Variants in NAPA observed in about 807,000 individuals in gnomAD.
NAPA encodes alpha-soluble NSF attachment protein.
In NAPA, 18 loss-of-function variants were observed where a neutral mutation model predicts 48.0. The ratio of observed to expected loss-of-function variants is 0.38; its 90% confidence interval spans 0.26 to 0.56. NAPA has a LOEUF of 0.56. NAPA is among the 20% of genes least tolerant of loss of function. The pLI, the probability that NAPA is intolerant of heterozygous loss-of-function variation, is 0.77. For synonymous variants in NAPA, 152 were observed against 149.9 expected (o/e 1.01, Z -0.10); for missense variants, 315 against 385.0 (o/e 0.82, Z 1.52).
rs1002091223 is a variant in NAPA at position 47,493,622 on chromosome 19, G to T, written c.343-129C>A. The T allele has an allele frequency of 5.5e-5, 43 of 779,694 alleles. No individual in the cohort carries two copies. Among genetic ancestry groups the T allele is most frequent in the Non-Finnish European group, 8.9e-5 (40 of 450,552 alleles). 48.3% of individuals were successfully genotyped at this position (779,694 alleles called of 1,614,324 possible). On this transcript the variant is annotated intron_variant, in intron 4 of 10. Coordinates refer to ENST00000263354, the MANE Select transcript of NAPA (RefSeq NM_003827.4). The surrounding 1 kb of genome is among the most constrained non-coding windows in gnomAD (Gnocchi z 6.4). ...AGGAGGTATGAAGAAGACCTGAGGT[G>T]TGAAGAAGATCGAGAGGTGGGGGAA...
Position 47,500,644 on chromosome 19 carries a change from G to T in NAPA, c.284C>A (p.Ala95Asp), listed in dbSNP as rs764720672. Residue 95 changes from alanine to aspartate, a missense_variant, in exon 3 of 11, where the codon GCC becomes GAC. Around this residue, in one of 3 missense-constraint regions of NAPA, gnomAD observed 173 missense variants for 213.5 expected, o/e 0.81. Transcript: ENST00000263354. ...GCAGAGGCCCTCACCTTGGGGGTCG[G>T]CTTTCTTGAATGCGTTGCCAGCGTC... ...FVDAGNAFKK[A>D]DPQEAINCLM... 3.1e-6 allele frequency: 5 copies of T among 1,608,822 alleles called. No individual in the cohort carries two copies. Among genetic ancestry groups the T allele is most frequent in the Non-Finnish European group, 4.2e-6 (5 of 1,177,564 alleles).
At chr19:47,504,640 TATAC>T (rs1968656689) in intron 1 of NAPA, among the ~76,000 whole-genome samples, 1 of 151,956 alleles carries the variant, frequency 6.6e-6, no homozygotes, top group East Asian at 1.9e-4. Context: ...AAAAAAAATA[TATAC>T]ATATATACAC....
intron 1 of NAPA, among the ~76,000 whole-genome samples, chr19:47,510,171 G>T (rs1379097843): frequency 6.6e-6 from 1 of 152,228 alleles, no homozygotes; most frequent in Non-Finnish European, 1.5e-5. Flanking sequence ...CGGGGTTTCT[G>T]CACGCTCTGC....
intron 1 of NAPA, among the ~76,000 whole-genome samples, chr19:47,512,364 C>T (rs1225300281): frequency 2.0e-5 from 3 of 152,200 alleles, no homozygotes; most frequent in Admixed American, 6.5e-5. Flanking sequence ...CCCTGGTTCA[C>T]GCTGCTTCCT....
intron 1 of NAPA, among the ~76,000 whole-genome samples, chr19:47,514,514 C>T (rs1363230905): frequency 3.3e-5 from 5 of 152,192 alleles, no homozygotes; most frequent in African/African-American, 1.2e-4. Flanking sequence ...AGGACGTACT[C>T]CCTCGGTCCA....
chr19:47,493,328 C>CA lies in NAPA; in HGVS notation c.420+87dup, dbSNP rs1568464836. The CA allele has an allele frequency of 2.0e-5, 31 of 1,529,688 alleles. No homozygotes were observed. In the Middle Eastern group the frequency reaches 6.8e-4, roughly 33 times the overall value. The allele number at this position is 1,529,688 out of a possible 1,614,324, so 94.8% of individuals were successfully genotyped here. A position where few individuals can be genotyped will look rare whatever the true frequency, so the allele number is the denominator to read the frequency against. Reference sequence around the variant, plus strand: ...CGCCCCATGCCCCCTTCTCGGCACTCAGACACCAGAGGACTCCCCTGGTGG... The same window carrying CA: ...CGCCCCATGCCCCCTTCTCGGCACTCAAGACACCAGAGGACTCCCCTGGTGG... On this transcript the variant is annotated intron_variant, in intron 5 of 10. Transcript: ENST00000263354. The surrounding 1 kb of genome is among the most constrained non-coding windows in gnomAD (Gnocchi z 6.4).
intron 7 of NAPA, chr19:47,492,578 T>C: frequency 2.4e-6 from 1 of 411,480 alleles, no homozygotes; most frequent in Non-Finnish European, 4.6e-6. Flanking sequence ...TGACACTCCC[T>C]CCCTCCCACT....
In NAPA at chr19:47,493,476, C is replaced by G; in HGVS notation, c.360G>C (p.Ala120=). 1.2e-6 allele frequency: 2 copies of G among 1,613,958 alleles called. No homozygotes were observed. Among genetic ancestry groups the G allele is most frequent in the Non-Finnish European group, 1.7e-6 (2 of 1,179,970 alleles). The change falls in exon 5 of 11, where the codon GCG becomes GCC. Residue 120 remains alanine, a synonymous_variant. Transcript: ENST00000263354. The surrounding 1 kb of genome is among the most constrained non-coding windows in gnomAD (Gnocchi z 6.4). ...IYTDMGRFTI[A]AKHHISIAEI... is the part of the protein sequence containing the mutation. ...CAGCAATGGAGATGTGGTGCTTGGCCGCAATCGTGAATCGGCCCTGGAGGG... is the reference window on the plus strand; with the variant it reads ...CAGCAATGGAGATGTGGTGCTTGGCGGCAATCGTGAATCGGCCCTGGAGGG...
intron 1 of NAPA, among the ~76,000 whole-genome samples, chr19:47,513,926 T>C (rs1388015434): frequency 1.4e-4 from 5 of 34,990 alleles, no homozygotes; most frequent in Admixed American, 1.3e-3. Flanking sequence ...CTCGGCTCAC[T>C]GCAACCTCTA....
At chr19:47,510,477 G>A (rs545880721) in intron 1 of NAPA, among the ~76,000 whole-genome samples, 6 of 152,132 alleles carry the variant, frequency 3.9e-5, no homozygotes, top group South Asian at 2.1e-4. Context: ...GCCAGGCAAC[G>A]TGCTCCCACC....
At chr19:47,504,691 A>G (rs1043969298) in intron 1 of NAPA, among the ~76,000 whole-genome samples, 3 of 152,004 alleles carry the variant, frequency 2.0e-5, no homozygotes, top group South Asian at 4.1e-4. Flanking sequence ...ATATATGTGT[A>G]TGTGTATATA....
chr19:47,508,471 A>G (rs2122775838), intron 1 of NAPA, among the ~76,000 whole-genome samples: 1 of 152,354 alleles, frequency 6.6e-6, no homozygotes, highest in East Asian at 1.9e-4. Flanking sequence ...CACAAGCCCC[A>G]GTTAACAACG....
At chr19:47,500,798 T>G in intron 2 of NAPA, 49 bp from the exon 3 acceptor site, 1 of 1,413,092 alleles carries the variant, frequency 7.1e-7, no homozygotes, top group Non-Finnish European at 9.7e-7. Flanking sequence ...GCTCCACACT[T>G]TATGAAGCCA....
chr19:47,493,795 G>GTGAGCA lies in NAPA; in HGVS notation c.343-308_343-303dup. Among the ~76,000 whole-genome samples the GTGAGCA allele has an allele frequency of 6.6e-6, 1 of 152,358 alleles. No homozygotes were observed. Among genetic ancestry groups the GTGAGCA allele is most frequent in the East Asian group, 1.9e-4 (1 of 5,186 alleles). Reference sequence around the variant, plus strand: ...CAGATGGTGTGACACCAGAGAGAATGTGAGCACGAGCACTTGGCCAAGGCC... The same window carrying GTGAGCA: ...CAGATGGTGTGACACCAGAGAGAATGTGAGCATGAGCACGAGCACTTGGCCAAGGCC... On this transcript the variant is annotated intron_variant, in intron 4 of 10. Transcript: ENST00000263354. This position sits in a 1 kb window ranked among gnomAD's most constrained non-coding sequence, Gnocchi z 6.4.
chr19:47,485,774 A>G (rs10418255), downstream of NAPA, among the ~76,000 whole-genome samples: 4,852 of 152,248 alleles, frequency 0.032, 242 homozygotes, highest in African/African-American at 0.11. Context: ...GGATGTGGAG[A>G]GTAGAAGTTC....
intron 10 of NAPA, 169 bp downstream of exon 10, chr19:47,489,542 C>T (rs1968182389): frequency 1.3e-6 from 1 of 741,404 alleles, no homozygotes; most frequent in African/African-American, 1.8e-5. Context: ...CTCCCTGCGC[C>T]TCTTGGCGCT....
In NAPA at chr19:47,506,609, G is replaced by C. The variant is rs1449364971; in HGVS notation, c.99-3107C>G. ...CCCACGTCACTGAGTGGCCCACAGC[G>C]GGCAATCAACAATGAGCAGAGTCAG... is the stretch of plus-strand genomic sequence containing the variant. On this transcript the variant is annotated intron_variant, in intron 1 of 10. Transcript: ENST00000263354. This position sits in a 1 kb window ranked among gnomAD's most constrained non-coding sequence, Gnocchi z 4.0. Among the ~76,000 whole-genome samples the C allele has an allele frequency of 6.6e-6, 1 of 152,188 alleles. No homozygotes were observed. The highest frequency in any genetic ancestry group is 1.5e-5 in the Non-Finnish European group (1 of 68,030).
rs1213478146 is a variant in NAPA at position 47,493,796 on chromosome 19, T to C, written c.343-303A>G. 6.6e-6 allele frequency among the ~76,000 whole-genome samples: 1 copy of C among 152,190 alleles called. No homozygotes were observed. Among genetic ancestry groups the C allele is most frequent in the African/African-American group, 2.4e-5 (1 of 41,446 alleles). On this transcript the variant is annotated intron_variant, in intron 4 of 10. Transcript: ENST00000263354. This position sits in a 1 kb window ranked among gnomAD's most constrained non-coding sequence, Gnocchi z 6.4. ...AGATGGTGTGACACCAGAGAGAATG[T>C]GAGCACGAGCACTTGGCCAAGGCCC...
intron 2 of NAPA, among the ~76,000 whole-genome samples, chr19:47,502,974 C>T (rs531933946): frequency 1.3e-5 from 2 of 152,344 alleles, no homozygotes; most frequent in Admixed American, 6.5e-5. Context: ...TAGACTGACC[C>T]TTAGGGCTGC....
Sources: gnomAD v4.1 joint callset for allele counts (sites outside exome capture counted in the v4.1 genomes callset) on GRCh38, gnomAD v4.1.1 for gene constraint, gnomAD v4.1.1 regional missense constraint, Gnocchi (gnomAD v3.1) non-coding constraint, MANE v1.5 for transcripts, NCBI Gene and HGNC (gene_info 2026-07-23, HGNC 2026-07-21) for gene names.